MCF2L2: variants seen among roughly 807,000 people sequenced by gnomAD.
MCF2L2 encodes the protein probable guanine nucleotide exchange factor MCF2L2.
In MCF2L2, 102 loss-of-function variants were observed where a neutral mutation model predicts 150.2. That is an observed-to-expected ratio of 0.68 (90% CI 0.58 to 0.80). The LOEUF is 0.80. MCF2L2 is among the 30% of genes least tolerant of loss of function. The pLI is 0.00. For synonymous variants in MCF2L2, 465 were observed against 491.3 expected, an observed-to-expected ratio of 0.95 and a Z score of 0.71; for missense variants, 1,256 against 1,372.8, an observed-to-expected ratio of 0.91 and a Z score of 1.34.
intron 27 of MCF2L2, 191 bp from the exon 28 acceptor site, chr3:183,180,350 G>C: frequency 1.9e-6 from 1 of 521,810 alleles, no homozygotes; most frequent in Non-Finnish European, 3.4e-6. Flanking sequence ...TTCCAGCGCC[G>C]AGATGCCGTA....
intron 15 of MCF2L2, among the ~76,000 whole-genome samples, chr3:183,241,209 A>G (rs927059035): frequency 1.3e-5 from 2 of 152,256 alleles, no homozygotes; most frequent in African/African-American, 4.8e-5. Flanking sequence ...GTAAAAAATC[A>G]GTTTTTTTAA....
At chr3:183,254,718 C>A (rs1724877571) in intron 15 of MCF2L2, 1 of 152,258 alleles carries the variant, frequency 6.6e-6, no homozygotes, top group South Asian at 2.1e-4. Context: ...GTCGAAAGCC[C>A]GTGTCGGGCT....
At chr3:183,417,404 T>G (rs747654027) in intron 1 of MCF2L2, among the ~76,000 whole-genome samples, 1 of 152,204 alleles carries the variant, frequency 6.6e-6, no homozygotes, top group African/African-American at 2.4e-5. Context: ...AAGTTGTAAG[T>G]TGAATCATTG....
intron 8 of MCF2L2, among the ~76,000 whole-genome samples, chr3:183,311,423 C>T (rs762586128): frequency 6.6e-6 from 1 of 152,188 alleles, no homozygotes; most frequent in Non-Finnish European, 1.5e-5. Flanking sequence ...AGGGTGGGAA[C>T]ATGTCATATA....
rs530436131 is a variant in MCF2L2, at chr3:183,191,847, A to T, written c.3016+1152T>A. ...GTTTGTTTATTTATTTATTTATTTT[A>T]TTTATTTTTTTGAGACAGAGTCTCG... is the stretch of plus-strand genomic sequence containing the variant. On this transcript the variant is annotated intron_variant, in intron 27 of 29. Coordinates refer to ENST00000328913, the MANE Select transcript of MCF2L2 (RefSeq NM_015078.4). Among the ~76,000 whole-genome samples the T allele has an allele frequency of 4.3e-4, 65 of 151,398 alleles. 1 individual carries two copies. The highest frequency in any genetic ancestry group is 1.5e-3 in the African/African-American group (62 of 41,234).
intron 21 of MCF2L2, among the ~76,000 whole-genome samples, 161 bp downstream of exon 21, chr3:183,219,695 T>A (rs75807996): frequency 0.016 from 2,508 of 152,196 alleles, 68 homozygotes; most frequent in African/African-American, 0.055. Flanking sequence ...TTGCCTTTAA[T>A]TTTTTTGTTT....
At chr3:183,261,128 C>A (rs1397217157) in intron 15 of MCF2L2, among the ~76,000 whole-genome samples, 3 of 152,178 alleles carry the variant, frequency 2.0e-5, no homozygotes, top group Non-Finnish European at 4.4e-5. Context: ...ACAGACTAGG[C>A]AATTAGTACC....
chr3:183,211,359 C>CG (rs908761789), intron 22 of MCF2L2, among the ~76,000 whole-genome samples: 3 of 152,144 alleles, frequency 2.0e-5, no homozygotes, highest in Admixed American at 6.5e-5. Context: ...GGAAGTGACT[C>CG]GGGGGGAGTC....
chr3:183,240,981 T>C (rs1298980573), intron 15 of MCF2L2, among the ~76,000 whole-genome samples: 1 of 152,260 alleles, frequency 6.6e-6, no homozygotes, highest in Admixed American at 6.5e-5. Flanking sequence ...GGCTCCATGA[T>C]AGGCACTTGG....
At chr3:183,301,793 C>CAAA (rs200514561) in intron 10 of MCF2L2, among the ~76,000 whole-genome samples, 8 of 124,340 alleles carry the variant, frequency 6.4e-5, no homozygotes, top group Admixed American at 2.4e-4. Context: ...GCTCTGTCTC[C>CAAA]AAAAAAAAAA....
chr3:183,294,025 C>T (rs1560003151), intron 13 of MCF2L2, among the ~76,000 whole-genome samples: 1 of 152,064 alleles, frequency 6.6e-6, no homozygotes, highest in Non-Finnish European at 1.5e-5. Flanking sequence ...GCTCATATAT[C>T]CAGTGTAATC....
chr3:183,320,654 C>T (rs1002825206), intron 6 of MCF2L2, among the ~76,000 whole-genome samples: 6 of 152,164 alleles, frequency 3.9e-5, no homozygotes, highest in Non-Finnish European at 7.3e-5. Context: ...TCTATCCAGG[C>T]CCAGACCACT....
At chr3:183,327,604 C>T (rs1730104419) in intron 5 of MCF2L2, among the ~76,000 whole-genome samples, 1 of 152,178 alleles carries the variant, frequency 6.6e-6, no homozygotes, top group Non-Finnish European at 1.5e-5. Flanking sequence ...CTGTCTCCCT[C>T]TACCTTCCTG....
In MCF2L2 at chr3:183,262,125, G is replaced by A. The variant is rs116070716; in HGVS notation, c.1862+14747C>T. Among the ~76,000 whole-genome samples, 457 of 125,212 alleles carry A rather than the reference G, an allele frequency of 3.6e-3. 1 individual carries two copies. Among genetic ancestry groups the A allele is most frequent in the African/African-American group, 0.018 (422 of 22,920 alleles). The allele number at this position is 125,212 out of a possible 152,430, so 82.1% of individuals were successfully genotyped here. ...TAATACTAATACAAGGATTAGTATC[G>A]TTTTATGATACTTTATTATATACAC... On this transcript the variant is annotated intron_variant, in intron 15 of 29. Coordinates refer to ENST00000328913, the MANE Select transcript of MCF2L2 (RefSeq NM_015078.4).
intron 13 of MCF2L2, among the ~76,000 whole-genome samples, chr3:183,291,044 T>C (rs1420667617): frequency 6.6e-6 from 1 of 152,214 alleles, no homozygotes; most frequent in African/African-American, 2.4e-5. Context: ...CGCAGAAAAT[T>C]ACACTGCTAC....
chr3:183,294,692 C>A (rs184896840), intron 13 of MCF2L2, among the ~76,000 whole-genome samples: 2,331 of 143,604 alleles, frequency 0.016, 47 homozygotes, highest in East Asian at 0.048. Flanking sequence ...GCAGTGGCGC[C>A]ATCTCCGCTA....
intron 15 of MCF2L2, among the ~76,000 whole-genome samples, chr3:183,258,130 G>A (rs1725239763): frequency 6.6e-6 from 1 of 151,836 alleles, no homozygotes; most frequent in Non-Finnish European, 1.5e-5. Flanking sequence ...ACCACACCCA[G>A]CTAATTTTTG....
intron 1 of MCF2L2, among the ~76,000 whole-genome samples, chr3:183,402,477 T>C (rs148903918): frequency 1.0e-5 from 1 of 96,594 alleles, no homozygotes; most frequent in Non-Finnish European, 2.4e-5. Flanking sequence ...AAAAAAAGAA[T>C]ATAAAAGGCT....
At position 183,427,920 on chromosome 3, in the gene MCF2L2, T is replaced by G. The variant is rs781090515; in HGVS notation, c.58A>C (p.Thr20Pro). The part of the protein sequence containing the change: ...PPQELTRRLA[T>P]VITHVDEIMQ... ...CGTTTACCGACATGAGTGATCACTG[T>G]GGCCAGTCGCCGGGTGAGCTCCTGG... is the stretch of plus-strand genomic sequence containing the variant. The change falls in exon 1 of 30, where the codon ACA (threonine) becomes CCA (proline). Residue 20 changes from threonine (T) to proline (P), a missense_variant. Transcript: ENST00000328913. 1 of 1,613,954 alleles carries G rather than the reference T, an allele frequency of 6.2e-7. No individual in the cohort carries two copies. The highest frequency in any genetic ancestry group is 1.1e-5 in the South Asian group (1 of 91,078).
Sources: allele counts gnomAD v4.1 joint callset (sites outside exome capture counted in the v4.1 genomes callset), GRCh38; gene constraint gnomAD v4.1.1; transcripts MANE v1.5; gene names NCBI Gene and HGNC (gene_info 2026-07-23, HGNC 2026-07-21).